The following PPARGC1A variants were observed in gnomAD, a reference collection of about 807,000 sequenced individuals.
PPARGC1A encodes the protein peroxisome proliferator-activated receptor gamma coactivator 1-alpha.
Under a neutral mutation model 88.7 loss-of-function variants are expected in PPARGC1A, and 25 were observed. That is an observed-to-expected ratio of 0.28 (90% CI 0.21 to 0.39). The LOEUF is 0.39. PPARGC1A is among the 10% of genes least tolerant of loss of function. PPARGC1A has a pLI of 1.00. For synonymous variants in PPARGC1A, 363 were observed against 355.6 expected (o/e 1.02, Z -0.24); for missense variants, 880 against 968.7 (o/e 0.91, Z 1.22).
chr4:23,982,124 G>A, the PPARGC1A span, among the ~76,000 whole-genome samples: 1 of 152,280 alleles, frequency 6.6e-6, no homozygotes, highest in East Asian at 1.9e-4. Flanking sequence ...TTCTGAGAGA[G>A]AATCTCCTCA....
chr4:24,283,372 T>C, the PPARGC1A span, among the ~76,000 whole-genome samples: 1 of 151,920 alleles, frequency 6.6e-6, no homozygotes, highest in African/African-American at 2.4e-5. Flanking sequence ...AAAGTGGGGG[T>C]CATACCACCT....
the PPARGC1A span, among the ~76,000 whole-genome samples, chr4:24,002,518 C>T: frequency 6.6e-6 from 1 of 151,776 alleles, no homozygotes; most frequent in Admixed American, 6.6e-5. Context: ...GCTATTGAAA[C>T]AGCCGCAAAG....
the PPARGC1A span, among the ~76,000 whole-genome samples, chr4:24,212,005 C>T: frequency 1.3e-5 from 2 of 152,172 alleles, no homozygotes; most frequent in Non-Finnish European, 2.9e-5. Flanking sequence ...TTCCCCAACA[C>T]GTCTTTCTAC....
At chr4:23,891,111 A>G (rs1717794337), upstream of PPARGC1A, among the ~76,000 whole-genome samples, 1 of 152,184 alleles carries the variant, frequency 6.6e-6, no homozygotes, top group Admixed American at 6.5e-5. Flanking sequence ...GTACCTTGAG[A>G]CAATGAGGGC....
chr4:24,195,067 T>C, the PPARGC1A span, among the ~76,000 whole-genome samples: 1 of 152,196 alleles, frequency 6.6e-6, no homozygotes, highest in East Asian at 1.9e-4. Flanking sequence ...GATACAGGTA[T>C]GATTATGGAT....
At chr4:23,933,590 T>C in the PPARGC1A span, among the ~76,000 whole-genome samples, 1 of 152,114 alleles carries the variant, frequency 6.6e-6, no homozygotes, top group East Asian at 1.9e-4. Context: ...TTAAGGAAAA[T>C]AGCCTACTGG....
the PPARGC1A span, among the ~76,000 whole-genome samples, chr4:24,037,799 T>C: frequency 1.6e-4 from 25 of 152,300 alleles, no homozygotes; most frequent in South Asian, 1.9e-3. Context: ...TATCACAGTA[T>C]AGCTCCTTTA....
the PPARGC1A span, among the ~76,000 whole-genome samples, chr4:24,470,720 G>A: frequency 2.0e-5 from 3 of 151,702 alleles, no homozygotes; most frequent in African/African-American, 4.8e-5. This position sits in a 1 kb window ranked among gnomAD's most constrained non-coding sequence, Gnocchi z 5.8. Context: ...GCCCCCACCC[G>A]CGGCGGCGGC....
At chr4:24,080,758 A>G in the PPARGC1A span, among the ~76,000 whole-genome samples, 1 of 152,188 alleles carries the variant, frequency 6.6e-6, no homozygotes, top group South Asian at 2.1e-4. Context: ...AATGAAACTG[A>G]GGGTTTAGAG....
the PPARGC1A span, among the ~76,000 whole-genome samples, chr4:24,420,717 C>T: frequency 6.6e-6 from 1 of 152,192 alleles, no homozygotes; most frequent in Admixed American, 6.5e-5. Context: ...CCCTCCCCTA[C>T]CACTTGGCAC....
chr4:24,262,656 G>A, the PPARGC1A span, among the ~76,000 whole-genome samples: 5 of 152,076 alleles, frequency 3.3e-5, no homozygotes, highest in African/African-American at 4.8e-5. Context: ...CCCCTTCCAA[G>A]AATGGTTTAT....
the PPARGC1A span, among the ~76,000 whole-genome samples, chr4:24,298,139 A>G: frequency 6.6e-6 from 1 of 152,022 alleles, no homozygotes; most frequent in Admixed American, 6.6e-5. Context: ...CCTCATCTTT[A>G]TCACACAGCC....
At chr4:24,198,606 C>G in the PPARGC1A span, among the ~76,000 whole-genome samples, 44 of 152,300 alleles carry the variant, frequency 2.9e-4, no homozygotes, top group African/African-American at 8.9e-4. Context: ...CCTAACAAAC[C>G]CTTTAGCAAT....
the PPARGC1A span, among the ~76,000 whole-genome samples, chr4:24,163,104 T>A: frequency 6.6e-6 from 1 of 150,928 alleles, no homozygotes; most frequent in Non-Finnish European, 1.5e-5. Context: ...CAATAGTCTT[T>A]ATTTATTTCT....
intron 2 of PPARGC1A, among the ~76,000 whole-genome samples, chr4:23,874,560 A>G (rs1714296661): frequency 6.8e-6 from 1 of 146,218 alleles, no homozygotes; most frequent in Non-Finnish European, 1.5e-5. Context: ...TTTCCCCCTA[A>G]AAAAAAAAAA....
the PPARGC1A span, among the ~76,000 whole-genome samples, chr4:24,203,685 C>T: frequency 6.6e-6 from 1 of 152,230 alleles, no homozygotes; most frequent in Non-Finnish European, 1.5e-5. Flanking sequence ...CCTGCAGACT[C>T]GCAGAGGGCG....
the PPARGC1A span, among the ~76,000 whole-genome samples, chr4:23,912,976 T>G: frequency 2.0e-5 from 3 of 149,286 alleles, no homozygotes; most frequent in Non-Finnish European, 4.5e-5. Context: ...TTTTTTAATT[T>G]TTTTATTTTT....
chr4:24,356,664 C>T, the PPARGC1A span, among the ~76,000 whole-genome samples: 1 of 152,204 alleles, frequency 6.6e-6, no homozygotes, highest in African/African-American at 2.4e-5. Context: ...CTTTGGAAGG[C>T]ACAGTCTCCT....
the PPARGC1A span, among the ~76,000 whole-genome samples, chr4:24,404,726 C>T: frequency 1.3e-5 from 2 of 152,200 alleles, no homozygotes; most frequent in South Asian, 4.1e-4. Context: ...AGAATACAGG[C>T]TCGATGTTGC....
Sources: gnomAD v4.1 joint callset for allele counts (sites outside exome capture counted in the v4.1 genomes callset) on GRCh38, gnomAD v4.1.1 for gene constraint, Gnocchi (gnomAD v3.1) non-coding constraint, MANE v1.5 for transcripts, NCBI Gene and HGNC (gene_info 2026-07-23, HGNC 2026-07-21) for gene names.